Variants in SGMS2 observed in about 807,000 individuals in gnomAD.
The protein encoded by SGMS2 is phosphatidylcholine:ceramide cholinephosphotransferase 2.
Under a neutral mutation model 43.8 loss-of-function variants are expected in SGMS2, and 21 were observed. The ratio of observed to expected loss-of-function variants is 0.48; its 90% CI spans 0.34 to 0.69. The LOEUF (loss-of-function observed/expected upper bound fraction) is 0.69. Ranked by LOEUF, SGMS2 falls within the 30% of genes least tolerant of loss-of-function variation. The probability of loss-of-function intolerance (pLI) is 0.01; values close to 1 mark genes in which losing one functional copy is unlikely to be tolerated. For synonymous variants in SGMS2, 167 were observed against 160.6 expected, an observed-to-expected ratio of 1.04 and a Z score of -0.30; for missense variants, 384 against 443.2, an observed-to-expected ratio of 0.87 and a Z score of 1.20.
At chr4:107,846,933 A>G (rs895342352) in intron 1 of SGMS2, among the ~76,000 whole-genome samples, 8 of 151,916 alleles carry the variant, frequency 5.3e-5, no homozygotes, top group East Asian at 1.9e-4. Context: ...GTCTGTTCAT[A>G]TCCTTTGCCC....
At chr4:107,907,129 T>A (rs1731645718) in intron 5 of SGMS2, 1 of 152,172 alleles carries the variant, frequency 6.6e-6, no homozygotes, top group Admixed American at 6.5e-5. Context: ...TGAGTTTTCT[T>A]CCAGAACTTA....
chr4:107,828,870 TC>T (rs772056312), intron 1 of SGMS2, among the ~76,000 whole-genome samples: 1 of 152,250 alleles, frequency 6.6e-6, no homozygotes, highest in Non-Finnish European at 1.5e-5. Flanking sequence ...GAGCAGTAGC[TC>T]ATTATGCAAG....
At chr4:107,838,230 T>A (rs1031230455) in intron 1 of SGMS2, among the ~76,000 whole-genome samples, 1 of 152,206 alleles carries the variant, frequency 6.6e-6, no homozygotes, top group Non-Finnish European at 1.5e-5. Context: ...ATCAGTTCTC[T>A]TGTTAAGTTC....
intron 2 of SGMS2, among the ~76,000 whole-genome samples, chr4:107,870,018 G>C (rs1728440937): frequency 6.6e-6 from 1 of 152,128 alleles, no homozygotes; most frequent in Non-Finnish European, 1.5e-5. Flanking sequence ...CCTTGTGTAG[G>C]AATGTCCATG....
intron 2 of SGMS2, among the ~76,000 whole-genome samples, chr4:107,883,822 C>A (rs957876649): frequency 1.3e-5 from 2 of 152,112 alleles, no homozygotes; most frequent in Non-Finnish European, 2.9e-5. Flanking sequence ...GCCATTCAAA[C>A]CCAATTTAAA....
At position 107,895,349 on chromosome 4, in the gene SGMS2, C is replaced by A; in HGVS notation, c.-205C>A. On this transcript the variant is annotated 5_prime_UTR_variant, in exon 3 of 7. Coordinates refer to ENST00000690982, the MANE Select transcript of SGMS2 (RefSeq NM_001375905.1). ...TCTTTTTGAGGGAAGAATTGGCTTCCTTTCTTGAAAGTGGTGAAGGTACAG... is the reference window on the plus strand; with the variant it reads ...TCTTTTTGAGGGAAGAATTGGCTTCATTTCTTGAAAGTGGTGAAGGTACAG... The A allele has an allele frequency of 1.9e-6, 1 of 514,998 alleles. No homozygotes were observed. 31.9% of individuals were successfully genotyped at this position (514,998 alleles called of 1,614,324 possible).
chr4:107,892,153 TCCGTAAAGGAGTTACCTA>T (rs1284588497), intron 2 of SGMS2, among the ~76,000 whole-genome samples: 2 of 130,924 alleles, frequency 1.5e-5, no homozygotes, highest in Non-Finnish European at 3.1e-5. Context: ...GAAGGGAAAC[TCCGTAAAGGAGTTACCTA>T]CCTTCCATCA....
chr4:107,850,414 C>G (rs548480247), intron 1 of SGMS2, among the ~76,000 whole-genome samples: 1 of 152,168 alleles, frequency 6.6e-6, no homozygotes, highest in Non-Finnish European at 1.5e-5. Context: ...TTTACTATCT[C>G]TAAGCCTTTT....
chr4:107,879,386 G>C (rs1729171665), intron 2 of SGMS2, among the ~76,000 whole-genome samples: 1 of 152,038 alleles, frequency 6.6e-6, no homozygotes, highest in African/African-American at 2.4e-5. Context: ...AAAGGGATAA[G>C]TGAGCCCAGA....
intron 2 of SGMS2, among the ~76,000 whole-genome samples, chr4:107,888,360 T>C (rs940408250): frequency 2.0e-5 from 3 of 152,150 alleles, no homozygotes; most frequent in African/African-American, 7.2e-5. Flanking sequence ...ATCTCAGTTT[T>C]TTCCTAAGCA....
At chr4:107,898,974 A>G (rs1398203027) in intron 3 of SGMS2, among the ~76,000 whole-genome samples, 3 of 152,200 alleles carry the variant, frequency 2.0e-5, no homozygotes, top group Admixed American at 1.3e-4. Context: ...CATTTTCAAG[A>G]TAGAGTTTTT....
intron 2 of SGMS2, among the ~76,000 whole-genome samples, chr4:107,860,636 T>C (rs1274912308): frequency 6.6e-6 from 1 of 152,026 alleles, no homozygotes; most frequent in Non-Finnish European, 1.5e-5. Flanking sequence ...GCAATTCTCC[T>C]GCCTCAGCCT....
intron 5 of SGMS2, among the ~76,000 whole-genome samples, chr4:107,903,610 G>T (rs748658666): frequency 3.3e-5 from 5 of 152,008 alleles, no homozygotes; most frequent in African/African-American, 4.8e-5. Flanking sequence ...AACCCTGAAG[G>T]CTTAAAACCT....
intron 2 of SGMS2, among the ~76,000 whole-genome samples, chr4:107,859,404 A>G (rs1727605025): frequency 6.6e-6 from 1 of 152,218 alleles, no homozygotes; most frequent in Non-Finnish European, 1.5e-5. Context: ...TCAGCACAGT[A>G]TTCTATAACA....
chr4:107,858,440 C>T (rs1375730592), intron 1 of SGMS2, 32 bp from the exon 2 acceptor site: 2 of 152,426 alleles, frequency 1.3e-5, no homozygotes, highest in Non-Finnish European at 2.9e-5. Context: ...AAGCCTCATT[C>T]TTATTTAATC....
At position 107,829,078 on chromosome 4, in the gene SGMS2, A is replaced by G. The variant is rs546535463; in HGVS notation, c.-327+3825A>G. ...GAAGCATTAGAACCCAGTGAGACAGATGAATTAAATACTTTCAGGTGTTGC... is the reference window on the plus strand; with the variant it reads ...GAAGCATTAGAACCCAGTGAGACAGGTGAATTAAATACTTTCAGGTGTTGC... On this transcript the variant is annotated intron_variant, in intron 1 of 6. Transcript: ENST00000690982. Among the ~76,000 whole-genome samples, 5 of 152,352 alleles carry G rather than the reference A, an allele frequency of 3.3e-5. No homozygotes were observed. The South Asian group carries it at 1.0e-3, about 32-fold the overall frequency.
chr4:107,891,281 T>C (rs760767602), intron 2 of SGMS2, among the ~76,000 whole-genome samples: 17 of 149,742 alleles, frequency 1.1e-4, no homozygotes, highest in Non-Finnish European at 2.1e-4. Flanking sequence ...GGAAAAAGAC[T>C]GAAACAACAA....
intron 1 of SGMS2, among the ~76,000 whole-genome samples, chr4:107,829,663 T>C (rs529667258): frequency 6.6e-6 from 1 of 152,350 alleles, no homozygotes; most frequent in East Asian, 1.9e-4. Flanking sequence ...ACTAAACTTG[T>C]GCAACTAACT....
Position 107,912,139 on chromosome 4 carries a change from C to G in SGMS2, c.*1586C>G, listed in dbSNP as rs1578683171. 6.6e-6 allele frequency: 1 copy of G among 152,082 alleles called. No individual in the cohort carries two copies. Among genetic ancestry groups the G allele is most frequent in the Non-Finnish European group, 1.5e-5 (1 of 68,018 alleles). 9.4% of individuals were successfully genotyped at this position (152,082 alleles called of 1,614,324 possible). On this transcript the variant is annotated 3_prime_UTR_variant, in exon 7 of 7. Transcript: ENST00000690982. ...ACCTTTAAGTTGCTTGAGAAAAACA[C>G]AATGCAAATCGTTCAGAAGGGTCAA...
Sources: gnomAD v4.1 joint callset for allele counts (sites outside exome capture counted in the v4.1 genomes callset) on GRCh38, gnomAD v4.1.1 for gene constraint, MANE v1.5 for transcripts, NCBI Gene and HGNC (gene_info 2026-07-23, HGNC 2026-07-21) for gene names.